TTC23: variants seen among roughly 807,000 people sequenced by gnomAD.
TTC23 encodes tetratricopeptide repeat protein 23.
A neutral mutation model predicts 55.1 loss-of-function variants in TTC23; 58 were observed. The ratio of observed to expected loss-of-function variants is 1.05; its 90% confidence interval spans 0.85 to 1.31. TTC23 has a LOEUF of 1.31. Ranked by LOEUF, TTC23 falls within the 50% of genes most tolerant of loss-of-function variation. The pLI, the probability that TTC23 is intolerant of heterozygous loss-of-function variation, is 0.00. For missense variants in TTC23, 516 were observed against 534.4 expected, an observed-to-expected ratio of 0.97 and a Z score of 0.34; for synonymous variants, 203 against 199.9, an observed-to-expected ratio of 1.02 and a Z score of -0.13.
rs2067946625 is a variant in TTC23 at position 99,139,339 on chromosome 15, G to A, written c.1204C>T (p.Gln402Ter). 6.2e-7 allele frequency: 1 copy of A among 1,613,496 alleles called. No homozygotes were observed. The highest frequency in any genetic ancestry group is 1.3e-5 in the African/African-American group (1 of 74,922). Residue 402 changes from glutamine (Q) to a stop codon, truncating the protein, a stop_gained, in exon 13 of 14, where the codon CAG (glutamine) becomes TAG (stop). Coordinates refer to ENST00000394132, the MANE Select transcript of TTC23 (RefSeq NM_001288615.3). LOFTEE classifies it high-confidence loss of function. ...PQDKRTLATQ[Q>*]AMGMLSTAPK... ...CACGTGGACAGCATGCCCATGGCCT[G>A]CTGGGTGGCCAGAGTCCTTTTGTCC...
chr15:99,190,783 T>C (rs1596521584), intron 9 of TTC23, among the ~76,000 whole-genome samples: 3 of 152,134 alleles, frequency 2.0e-5, no homozygotes, highest in East Asian at 1.9e-4. Flanking sequence ...TTTATATGTC[T>C]TTTTATTTTT....
chr15:99,251,118 A>T (rs2080708155), upstream of TTC23: 1 of 152,240 alleles, frequency 6.6e-6, no homozygotes, highest in African/African-American at 2.4e-5. Flanking sequence ...ACAGGTCAGT[A>T]ACTGGCGGTT....
intron 9 of TTC23, among the ~76,000 whole-genome samples, chr15:99,194,796 A>G (rs2075561097): frequency 6.6e-6 from 1 of 152,092 alleles, no homozygotes; most frequent in Non-Finnish European, 1.5e-5. Context: ...TGAGCCGGGC[A>G]TGGTGGCACA....
chr15:99,145,624 T>C (rs2068759138), intron 12 of TTC23, among the ~76,000 whole-genome samples: 1 of 151,342 alleles, frequency 6.6e-6, no homozygotes, highest in Non-Finnish European at 1.5e-5. Flanking sequence ...ATTCCGAGTG[T>C]TTGTTTGAGA....
chr15:99,202,590 A>C (rs528551034), intron 8 of TTC23, among the ~76,000 whole-genome samples: 5 of 152,222 alleles, frequency 3.3e-5, no homozygotes, highest in Admixed American at 2.6e-4. Flanking sequence ...GGGTTTGTTA[A>C]TAGGTGAAGA....
chr15:99,211,078 A>G (rs1596705323), intron 8 of TTC23, among the ~76,000 whole-genome samples: 1 of 152,220 alleles, frequency 6.6e-6, no homozygotes. Context: ...AAGCTTAAGG[A>G]AATAAGAATA....
At chr15:99,237,592 A>G (rs1487447926) in intron 3 of TTC23, among the ~76,000 whole-genome samples, 1 of 152,200 alleles carries the variant, frequency 6.6e-6, no homozygotes, top group Non-Finnish European at 1.5e-5. Flanking sequence ...ATCTACTCCA[A>G]TGTATAATGA....
chr15:99,243,644 C>A (rs560162757), intron 2 of TTC23, among the ~76,000 whole-genome samples: 1 of 152,268 alleles, frequency 6.6e-6, no homozygotes, highest in South Asian at 2.1e-4. Context: ...ACACACAAAA[C>A]AGAACGAAAT....
chr15:99,156,378 A>T, intron 11 of TTC23, 81 bp from the exon 12 acceptor site: 1 of 1,535,458 alleles, frequency 6.5e-7, no homozygotes, highest in Non-Finnish European at 8.9e-7. Flanking sequence ...ACATTTTCAC[A>T]TGGGTGTGGT....
chr15:99,224,675 G>A (rs2078239135), intron 5 of TTC23, among the ~76,000 whole-genome samples: 1 of 152,248 alleles, frequency 6.6e-6, no homozygotes, highest in South Asian at 2.1e-4. Flanking sequence ...GCAAAATTCT[G>A]AGGCTGTGAG....
At chr15:99,198,755 G>C (rs2075955194) in intron 9 of TTC23, among the ~76,000 whole-genome samples, 1 of 152,126 alleles carries the variant, frequency 6.6e-6, no homozygotes, top group Admixed American at 6.5e-5. Context: ...AGAAAAAGGG[G>C]CACTCTAACA....
At chr15:99,227,750 T>C (rs139477172) in intron 5 of TTC23, among the ~76,000 whole-genome samples, 60 of 152,298 alleles carry the variant, frequency 3.9e-4, no homozygotes, top group African/African-American at 1.3e-3. Context: ...CCTCAGACCA[T>C]TGGCTCTTGT....
At chr15:99,199,731 A>C (rs2076046350) in intron 9 of TTC23, among the ~76,000 whole-genome samples, 188 bp downstream of exon 9, 2 of 152,216 alleles carry the variant, frequency 1.3e-5, no homozygotes, top group Admixed American at 1.3e-4. Flanking sequence ...AACAGGGGAC[A>C]AGTACCAGCA....
intron 4 of TTC23, among the ~76,000 whole-genome samples, chr15:99,229,808 A>G (rs1419607575): frequency 1.3e-5 from 2 of 152,230 alleles, no homozygotes; most frequent in Admixed American, 1.3e-4. Flanking sequence ...GAGGCATTAG[A>G]TAGTTAGAGT....
intron 12 of TTC23, chr15:99,145,045 A>G (rs916278512): frequency 6.6e-6 from 1 of 152,380 alleles, no homozygotes; most frequent in East Asian, 1.9e-4. Context: ...GCAGGCAGAA[A>G]TGACTAACTT....
At chr15:99,230,628 C>T (rs564866725) in intron 4 of TTC23, among the ~76,000 whole-genome samples, 5 of 151,798 alleles carry the variant, frequency 3.3e-5, no homozygotes, top group South Asian at 4.2e-4. Flanking sequence ...AGACACATTA[C>T]GTATAAAAAA....
At chr15:99,166,231 C>G (rs1162665515) in intron 10 of TTC23, among the ~76,000 whole-genome samples, 4 of 152,210 alleles carry the variant, frequency 2.6e-5, no homozygotes, top group Admixed American at 2.6e-4. Context: ...AGCCGCACCT[C>G]ACATCTTTCT....
At position 99,231,768 on chromosome 15, in the gene TTC23, G is replaced by A. The variant is rs746124433; in HGVS notation, c.-20-3036C>T. On this transcript the variant is annotated intron_variant, in intron 4 of 13. Transcript: ENST00000394132. ...CTGCCTCCCAAAGTGCTGGGATTAC[G>A]GGCATTAGCCACTGCGCCTGGCCTG... Among the ~76,000 whole-genome samples the A allele has an allele frequency of 5.3e-5, 8 of 149,938 alleles. No homozygotes were observed. The East Asian group carries it at 7.9e-4, about 15-fold the overall frequency.
Position 99,225,946 on chromosome 15 carries a change from C to T in TTC23, c.180+2587G>A, listed in dbSNP as rs190287848. ...CCTCCTGACAGGACGCACTAAGGAGCGCCCCATGTCACACCTGTGGTAGTC... is the reference window on the plus strand; with the variant it reads ...CCTCCTGACAGGACGCACTAAGGAGTGCCCCATGTCACACCTGTGGTAGTC... On this transcript the variant is annotated intron_variant, in intron 5 of 13. Transcript: ENST00000394132. Among the ~76,000 whole-genome samples, 141 of 152,316 alleles carry T rather than the reference C, an allele frequency of 9.3e-4. 1 individual carries two copies. Among genetic ancestry groups the T allele is most frequent in the African/African-American group, 2.7e-3 (111 of 41,570 alleles).
Sources: gnomAD v4.1 joint callset for allele counts (sites outside exome capture counted in the v4.1 genomes callset) on GRCh38, gnomAD v4.1.1 for gene constraint, MANE v1.5 for transcripts, NCBI Gene and HGNC (gene_info 2026-07-23, HGNC 2026-07-21) for gene names.